The following AFF3 variants were observed in gnomAD, a reference collection of about 807,000 sequenced individuals.
The protein encoded by AFF3 is AF4/FMR2 family member 3.
A neutral mutation model predicts 129.7 loss-of-function variants in AFF3; 32 were observed. That is an observed-to-expected ratio of 0.25 (90% CI 0.19 to 0.33). AFF3 has a LOEUF of 0.33. AFF3 is among the 10% of genes least tolerant of loss of function. The probability of loss-of-function intolerance (pLI) is 1.00; values close to 1 mark genes in which losing one functional copy is unlikely to be tolerated. For missense variants in AFF3, 1,373 were observed against 1,592.0 expected (o/e 0.86, Z 2.34); for synonymous variants, 644 against 635.4 (o/e 1.01, Z -0.20).
At chr2:99,703,241 C>T (rs1300098223) in intron 11 of AFF3, among the ~76,000 whole-genome samples, 1 of 152,132 alleles carries the variant, frequency 6.6e-6, no homozygotes, top group African/African-American at 2.4e-5. Flanking sequence ...GGACTCATGG[C>T]CCCTTTTTCC....
intron 2 of AFF3, among the ~76,000 whole-genome samples, chr2:100,126,096 G>A (rs921652590): frequency 5.9e-5 from 9 of 152,196 alleles, no homozygotes; most frequent in South Asian, 4.1e-4. Flanking sequence ...TAAATAGAGC[G>A]TGGCCAACTT....
At chr2:99,682,139 T>C (rs554297725) in intron 11 of AFF3, among the ~76,000 whole-genome samples, 1 of 152,180 alleles carries the variant, frequency 6.6e-6, no homozygotes, top group African/African-American at 2.4e-5. Flanking sequence ...ACTCCTGACC[T>C]CAGGTGATCT....
At chr2:99,895,878 G>A (rs1268664661) in intron 7 of AFF3, among the ~76,000 whole-genome samples, 1 of 152,062 alleles carries the variant, frequency 6.6e-6, no homozygotes, top group East Asian at 1.9e-4. Context: ...AGACCAGCCT[G>A]GCCAACATGG....
chr2:99,632,008 C>CT (rs745651225), intron 13 of AFF3, among the ~76,000 whole-genome samples: 54,278 of 76,592 alleles, frequency 0.71, 22,564 homozygotes, highest in South Asian at 0.84. Context: ...CTTGCCAACA[C>CT]TTTTTTTTTT....
At chr2:99,890,232 A>G (rs1214906808) in intron 7 of AFF3, among the ~76,000 whole-genome samples, 2 of 152,174 alleles carry the variant, frequency 1.3e-5, no homozygotes, top group Non-Finnish European at 2.9e-5. Flanking sequence ...CTTCCACCCA[A>G]TGAGGCAGCA....
intron 4 of AFF3, among the ~76,000 whole-genome samples, chr2:100,099,313 T>C (rs1690536806): frequency 6.6e-6 from 1 of 152,092 alleles, no homozygotes; most frequent in Admixed American, 6.5e-5. Flanking sequence ...CACTATGAAG[T>C]AAAGTCTAAA....
At chr2:99,652,511 G>T (rs956159949) in intron 12 of AFF3, among the ~76,000 whole-genome samples, 15 of 152,294 alleles carry the variant, frequency 9.8e-5, no homozygotes, top group Middle Eastern at 3.4e-3. Context: ...AAGAAGGGCT[G>T]TAGGGAACAT....
intron 4 of AFF3, among the ~76,000 whole-genome samples, chr2:100,067,532 AACG>A (rs1488026640): frequency 2.0e-5 from 3 of 152,234 alleles, no homozygotes; most frequent in Admixed American, 6.5e-5. Flanking sequence ...AAACAGCAAC[AACG>A]ACAACAAAAA....
At chr2:99,691,276 G>A (rs894881453) in intron 11 of AFF3, among the ~76,000 whole-genome samples, 1 of 152,222 alleles carries the variant, frequency 6.6e-6, no homozygotes, top group Non-Finnish European at 1.5e-5. Context: ...AGGTTCAAGG[G>A]GATACTTAGA....
At chr2:99,925,157 T>G (rs777017090) in intron 7 of AFF3, among the ~76,000 whole-genome samples, 15 of 152,114 alleles carry the variant, frequency 9.9e-5, no homozygotes, top group Non-Finnish European at 1.9e-4. Flanking sequence ...GGATTACAGG[T>G]GTGAGCTACC....
At chr2:100,020,877 C>A (rs926353617) in intron 4 of AFF3, among the ~76,000 whole-genome samples, 2 of 152,218 alleles carry the variant, frequency 1.3e-5, no homozygotes, top group Non-Finnish European at 1.5e-5. Flanking sequence ...TCGTTCCTCC[C>A]CCGTCAAGCC....
At chr2:99,808,235 T>C (rs1204359044) in intron 8 of AFF3, among the ~76,000 whole-genome samples, 2 of 152,168 alleles carry the variant, frequency 1.3e-5, no homozygotes, top group Non-Finnish European at 2.9e-5. Context: ...TGGAAGCTGA[T>C]GTAACACAAT....
intron 7 of AFF3, among the ~76,000 whole-genome samples, chr2:99,953,611 C>T (rs931991952): frequency 6.6e-6 from 1 of 152,140 alleles, no homozygotes; most frequent in Admixed American, 6.5e-5. Context: ...ATTTTTTCAT[C>T]CTGTACTGAA....
chr2:99,860,830 A>T (rs1291481156), intron 7 of AFF3, among the ~76,000 whole-genome samples: 1 of 152,256 alleles, frequency 6.6e-6, no homozygotes, highest in African/African-American at 2.4e-5. Context: ...AGATGATCAC[A>T]ATAAAATTAA....
intron 13 of AFF3, among the ~76,000 whole-genome samples, chr2:99,631,435 C>T (rs971845646): frequency 6.6e-6 from 1 of 152,200 alleles, no homozygotes; most frequent in African/African-American, 2.4e-5. Context: ...ACAACCATCA[C>T]CAACACCCAT....
At chr2:99,687,614 C>T (rs575085139) in intron 11 of AFF3, among the ~76,000 whole-genome samples, 6 of 151,934 alleles carry the variant, frequency 3.9e-5, no homozygotes, top group Admixed American at 6.5e-5. Context: ...CCTTCCCAAG[C>T]GAGGGTCTCA....
chr2:99,794,610 C>T (rs1256043152), intron 8 of AFF3, among the ~76,000 whole-genome samples: 9 of 152,128 alleles, frequency 5.9e-5, no homozygotes, highest in Non-Finnish European at 1.5e-5. Context: ...CAAGGGGTCC[C>T]CTATGTAGAT....
At chr2:99,981,521 C>T (rs1021431924) in intron 7 of AFF3, among the ~76,000 whole-genome samples, 1 of 152,162 alleles carries the variant, frequency 6.6e-6, no homozygotes, top group African/African-American at 2.4e-5. Flanking sequence ...GTTCCCAATC[C>T]TTCACTTTTT....
At chr2:100,003,978 AC>A (rs1364509123) in intron 7 of AFF3, among the ~76,000 whole-genome samples, 1 of 135,534 alleles carries the variant, frequency 7.4e-6, no homozygotes, top group African/African-American at 3.4e-5. Context: ...TACATCTTAC[AC>A]TAAAAAAAAA....
Sources: gnomAD v4.1 joint callset for allele counts (sites outside exome capture counted in the v4.1 genomes callset) on GRCh38, gnomAD v4.1.1 for gene constraint, MANE v1.5 for transcripts, NCBI Gene and HGNC (gene_info 2026-07-23, HGNC 2026-07-21) for gene names.